The following VPS13B variants were observed in gnomAD, a reference collection of about 807,000 sequenced individuals.
The protein encoded by VPS13B is vacuolar protein sorting 13 homolog B, also known as intermembrane lipid transfer protein VPS13B.
A neutral mutation model predicts 426.4 loss-of-function variants in VPS13B; 285 were observed. The observed-to-expected ratio is 0.67, with a 90% CI of 0.61 to 0.74. The LOEUF is 0.74. VPS13B is among the 30% of genes least tolerant of loss of function. The probability of loss-of-function intolerance (pLI) is 0.00; values close to 1 mark genes in which losing one functional copy is unlikely to be tolerated. For synonymous variants in VPS13B, 1,676 were observed against 1,676.4 expected (o/e 1.00, Z 0.01); for missense variants, 4,537 against 4,782.6 (o/e 0.95, Z 1.51).
intron 3 of VPS13B, among the ~76,000 whole-genome samples, chr8:99,052,319 G>C (rs1485994165): frequency 1.2e-5 from 1 of 80,510 alleles, no homozygotes; most frequent in Non-Finnish European, 2.6e-5. Context: ...TTCTGTTTAC[G>C]TGATGGATTA....
intron 3 of VPS13B, among the ~76,000 whole-genome samples, chr8:99,086,188 T>C: frequency 6.6e-6 from 1 of 152,302 alleles, no homozygotes; most frequent in African/African-American, 2.4e-5. Context: ...AAACTTCTCT[T>C]CTGGCTTCAT....
chr8:99,681,505 A>G (rs939448754), intron 35 of VPS13B, among the ~76,000 whole-genome samples: 5 of 152,224 alleles, frequency 3.3e-5, no homozygotes, highest in African/African-American at 1.2e-4. Context: ...GGAAACAAAT[A>G]TACAAAAAAC....
intron 19 of VPS13B, among the ~76,000 whole-genome samples, chr8:99,338,330 G>A (rs764698606): frequency 2.0e-5 from 3 of 152,008 alleles, no homozygotes; most frequent in Non-Finnish European, 4.4e-5. Context: ...ATCCTTGAAC[G>A]TAGTGTATCT....
At chr8:99,614,567 T>C (rs1206464215) in intron 33 of VPS13B, among the ~76,000 whole-genome samples, 4 of 152,002 alleles carry the variant, frequency 2.6e-5, no homozygotes, top group Non-Finnish European at 5.9e-5. Context: ...CCTGAGCCAC[T>C]GCGCCTGGCC....
chr8:99,430,988 G>A (rs1189364671), intron 21 of VPS13B, among the ~76,000 whole-genome samples: 1 of 152,168 alleles, frequency 6.6e-6, no homozygotes, highest in African/African-American at 2.4e-5. Flanking sequence ...AAAGTGTTAG[G>A]ATTACAGGCG....
At chr8:99,700,204 A>G (rs1282088560) in intron 36 of VPS13B, among the ~76,000 whole-genome samples, 1 of 152,230 alleles carries the variant, frequency 6.6e-6, no homozygotes, top group Non-Finnish European at 1.5e-5. Flanking sequence ...CTTTTTACCT[A>G]AAACAGCTAT....
chr8:99,170,202 C>A (rs1490294311), intron 16 of VPS13B, 39 bp downstream of exon 16: 1 of 1,606,374 alleles, frequency 6.2e-7, no homozygotes, highest in Non-Finnish European at 8.5e-7. Context: ...ATGTTAATTT[C>A]CATTTATTAG....
chr8:99,685,822 A>G (rs1048305854), intron 35 of VPS13B, among the ~76,000 whole-genome samples: 5 of 152,322 alleles, frequency 3.3e-5, no homozygotes, highest in African/African-American at 4.8e-5. Context: ...GAAAGGTCAC[A>G]TATCTCTATC....
At chr8:99,438,929 G>A (rs1476805640) in intron 22 of VPS13B, among the ~76,000 whole-genome samples, 1 of 152,164 alleles carries the variant, frequency 6.6e-6, no homozygotes, top group Non-Finnish European at 1.5e-5. Context: ...GCCTATAGGA[G>A]AGACTTGGTG....
intron 17 of VPS13B, among the ~76,000 whole-genome samples, chr8:99,252,231 T>A (rs1430305879): frequency 6.6e-6 from 1 of 151,976 alleles, no homozygotes; most frequent in Non-Finnish European, 1.5e-5. Flanking sequence ...TGTACTACTT[T>A]AGTTGTGGCC....
At chr8:99,151,692 C>T (rs1199438270) in intron 14 of VPS13B, among the ~76,000 whole-genome samples, 1 of 152,016 alleles carries the variant, frequency 6.6e-6, no homozygotes, top group African/African-American at 2.4e-5. Context: ...TGCCACCATG[C>T]CTGGCTAATT....
intron 19 of VPS13B, among the ~76,000 whole-genome samples, chr8:99,328,513 G>A (rs906875096): frequency 6.6e-6 from 1 of 152,062 alleles, no homozygotes; most frequent in Non-Finnish European, 1.5e-5. Flanking sequence ...AGTGGGACCT[G>A]GATACTCTCT....
chr8:99,569,285 G>A lies in VPS13B; in HGVS notation c.4950-6373G>A, dbSNP rs577629576. On this transcript the variant is annotated intron_variant, in intron 31 of 61. Transcript: ENST00000357162. ...TCTACAAAAAATACAAAAATTAGCC[G>A]GGTGTGCAGTCCACACACTTATAGC... Among the ~76,000 whole-genome samples the A allele has an allele frequency of 3.3e-3, 505 of 151,722 alleles. 2 individuals carry two copies. Among genetic ancestry groups the A allele is most frequent in the Non-Finnish European group, 3.9e-3 (268 of 67,910 alleles).
intron 43 of VPS13B, among the ~76,000 whole-genome samples, chr8:99,787,934 C>A (rs1203700164): frequency 6.6e-6 from 1 of 151,980 alleles, no homozygotes; most frequent in Non-Finnish European, 1.5e-5. Context: ...TTACCAATGA[C>A]TTAATTGTGG....
At chr8:99,831,253 A>T (rs1030175422) in intron 51 of VPS13B, among the ~76,000 whole-genome samples, 1 of 151,134 alleles carries the variant, frequency 6.6e-6, no homozygotes, top group Non-Finnish European at 1.5e-5. Context: ...TTGTATTTTT[A>T]GTAGAGATGG....
At position 99,156,451 on chromosome 8, in the gene VPS13B, T is replaced by C; in HGVS notation, c.2014-98T>C. 6 of 1,140,028 alleles carry C rather than the reference T, an allele frequency of 5.3e-6. No individual in the cohort carries two copies. In the South Asian group the frequency reaches 6.6e-5, roughly 12 times the overall value. 70.6% of individuals were successfully genotyped at this position (1,140,028 alleles called of 1,614,324 possible). A position where few individuals can be genotyped will look rare whatever the true frequency, so the allele number is the denominator to read the frequency against. On this transcript the variant is annotated intron_variant, in intron 14 of 61. Coordinates refer to ENST00000357162, the MANE Select transcript of VPS13B (RefSeq NM_152564.5). ...GCATCATTTCTAGATTGATTTGATA[T>C]CACTGCAAATGTGCAGATCTGAAGC...
rs949975743 is a variant in VPS13B at position 99,013,320 on chromosome 8, T to G, written c.-57T>G. On this transcript the variant is annotated 5_prime_UTR_variant, in exon 1 of 62. Transcript: ENST00000357162. ...GGGGCGGGTGCCAGGGACTTGGAGG[T>G]GGAGGGGACGCGGCGGTACTCTGGC... 4.2e-6 allele frequency: 1 copy of G among 236,402 alleles called. No individual in the cohort carries two copies. Among genetic ancestry groups the G allele is most frequent in the Non-Finnish European group, 8.5e-6 (1 of 118,238 alleles). The allele number at this position is 236,402 out of a possible 1,614,324, so 14.6% of individuals were successfully genotyped here. A position where few individuals can be genotyped will look rare whatever the true frequency, so the allele number is the denominator to read the frequency against.
intron 39 of VPS13B, among the ~76,000 whole-genome samples, chr8:99,758,237 A>G (rs1810742063): frequency 6.6e-6 from 1 of 152,240 alleles, no homozygotes; most frequent in South Asian, 2.1e-4. Flanking sequence ...AAGAACAATA[A>G]GACCACATTA....
chr8:99,478,846 A>C (rs970145097), intron 24 of VPS13B, among the ~76,000 whole-genome samples: 1 of 148,780 alleles, frequency 6.7e-6, no homozygotes, highest in Non-Finnish European at 1.5e-5. Flanking sequence ...AAAAAAAAAA[A>C]ACAAGTTTCT....
Sources: allele counts gnomAD v4.1 joint callset (sites outside exome capture counted in the v4.1 genomes callset), GRCh38; gene constraint gnomAD v4.1.1; transcripts MANE v1.5; gene names NCBI Gene and HGNC (gene_info 2026-07-23, HGNC 2026-07-21).